TTLL8: variants seen among roughly 807,000 people sequenced by gnomAD.
The protein encoded by TTLL8 is tubulin tyrosine ligase like 8.
A neutral mutation model predicts 77.8 loss-of-function variants in TTLL8; 65 were observed. That is an observed-to-expected ratio of 0.84 (90% confidence interval 0.68 to 1.03). The LOEUF (loss-of-function observed/expected upper bound fraction) is 1.03, where lower values mean the gene tolerates loss of function less well. TTLL8 is among the 50% of genes least tolerant of loss of function. The pLI, the probability that TTLL8 is intolerant of heterozygous loss-of-function variation, is 0.00. For missense variants in TTLL8, 910 were observed against 1,004.5 expected (o/e 0.91, Z 1.27); for synonymous variants, 402 against 422.8 (o/e 0.95, Z 0.60).
chr22:50,026,503 G>A (rs1052708852), intron 12 of TTLL8, among the ~76,000 whole-genome samples: 2 of 151,740 alleles, frequency 1.3e-5, no homozygotes, highest in South Asian at 4.2e-4. Flanking sequence ...AAATACACCC[G>A]CCATTCTGCA....
chr22:50,040,784 G>A (rs1258695872), intron 8 of TTLL8, among the ~76,000 whole-genome samples: 4 of 152,228 alleles, frequency 2.6e-5, no homozygotes, highest in Admixed American at 2.0e-4. Flanking sequence ...CCCTCTGAAA[G>A]AAGTCACTTT....
At position 50,043,932 on chromosome 22, in the gene TTLL8, T is replaced by G. The variant is rs906728269; in HGVS notation, c.643+1323A>C. Among the ~76,000 whole-genome samples the G allele has an allele frequency of 9.2e-5, 14 of 152,234 alleles. No homozygotes were observed. The South Asian group carries it at 2.1e-3, about 23-fold the overall frequency. ...GGACCATCTCTGTCTGATACTGGAA[T>G]GGTGGATACACGGCATCATACATTG... On this transcript the variant is annotated intron_variant, in intron 6 of 13. Transcript: ENST00000266182.
At chr22:50,029,779 C>T (rs1409156771) in intron 12 of TTLL8, among the ~76,000 whole-genome samples, 1 of 152,100 alleles carries the variant, frequency 6.6e-6, no homozygotes, top group African/African-American at 2.4e-5. Context: ...CTAAAGACCC[C>T]CACCACGCCC....
At chr22:50,052,230 C>T (rs978106915) in intron 1 of TTLL8, among the ~76,000 whole-genome samples, 5 of 152,206 alleles carry the variant, frequency 3.3e-5, no homozygotes. Flanking sequence ...GGTGGGGGAG[C>T]TGGACAGTCC....
chr22:50,041,345 AC>A lies in TTLL8; in HGVS notation c.831-69del. The A allele has an allele frequency of 1.8e-6, 1 of 558,132 alleles. No homozygotes were observed. Among genetic ancestry groups the A allele is most frequent in the Non-Finnish European group, 3.2e-6 (1 of 308,104 alleles). The allele number at this position is 558,132 out of a possible 1,614,324, so 34.6% of individuals were successfully genotyped here. On this transcript the variant is annotated intron_variant, in intron 7 of 13. Transcript: ENST00000266182. This position sits in a 1 kb window ranked among gnomAD's most constrained non-coding sequence, Gnocchi z 4.3. Reference sequence around the variant, plus strand: ...GGGACAGGCAACAGAGGGCCTGGGCACCCCGACACCCATAAGGCACCCCAAG... The same window carrying A: ...GGGACAGGCAACAGAGGGCCTGGGCACCCGACACCCATAAGGCACCCCAAG...
intron 10 of TTLL8, among the ~76,000 whole-genome samples, chr22:50,032,773 T>C (rs2061306378): frequency 6.6e-6 from 1 of 152,104 alleles, no homozygotes; most frequent in African/African-American, 2.4e-5. Context: ...CTCCACAGGC[T>C]CTCGCCCTCC....
intron 8 of TTLL8, among the ~76,000 whole-genome samples, chr22:50,040,117 A>T (rs919655607): frequency 1.5e-4 from 22 of 149,740 alleles, no homozygotes; most frequent in African/African-American, 5.5e-4. Context: ...GCCAGCGTGG[A>T]CGGACCTCAC....
At chr22:50,048,880 G>A (rs2061428040) in intron 3 of TTLL8, among the ~76,000 whole-genome samples, 1 of 152,184 alleles carries the variant, frequency 6.6e-6, no homozygotes, top group Non-Finnish European at 1.5e-5. Flanking sequence ...TGTGTTGCTG[G>A]AGACAGGAGC....
At chr22:50,031,404 G>A (rs1458232040) in intron 11 of TTLL8, among the ~76,000 whole-genome samples, 1 of 152,244 alleles carries the variant, frequency 6.6e-6, no homozygotes, top group Non-Finnish European at 1.5e-5. Flanking sequence ...ACAAGAGGGA[G>A]GAAAGCTGGA....
At chr22:50,051,098 G>T (rs1477893398) in intron 1 of TTLL8, among the ~76,000 whole-genome samples, 3 of 152,260 alleles carry the variant, frequency 2.0e-5, no homozygotes, top group Admixed American at 2.0e-4. Context: ...CTGACCTCAG[G>T]CGATCTGCCC....
At chr22:50,030,381 C>A in intron 12 of TTLL8, 49 bp downstream of exon 13, 1 of 1,258,624 alleles carries the variant, frequency 7.9e-7, no homozygotes, top group Non-Finnish European at 1.0e-6. Flanking sequence ...GTTGGGGATG[C>A]AGCAGGCGGC....
At position 50,044,328 on chromosome 22, in the gene TTLL8, A is replaced by C. The variant is rs1286280427; in HGVS notation, c.643+927T>G. 6.6e-6 allele frequency among the ~76,000 whole-genome samples: 1 copy of C among 152,128 alleles called. No homozygotes were observed. Among genetic ancestry groups the C allele is most frequent in the African/African-American group, 2.4e-5 (1 of 41,440 alleles). ...GCAAGACTCCATCTCAAAAAAAAAA[A>C]AACATTAATTAGGAGGCCATCAGAT... On this transcript the variant is annotated intron_variant, in intron 6 of 13. Coordinates refer to ENST00000266182, the Ensembl canonical transcript of TTLL8. The surrounding 1 kb of genome is among the most constrained non-coding windows in gnomAD (Gnocchi z 4.2).
chr22:50,047,142 G>C (rs199819799), intron 4 of TTLL8, 26 bp downstream of exon 6: 24 of 1,365,294 alleles, frequency 1.8e-5, no homozygotes, highest in Non-Finnish European at 2.4e-5. Context: ...GCCGGCTCCC[G>C]CCACGCTCAA....
chr22:50,042,768 C>A (rs1468648588), intron 6 of TTLL8, among the ~76,000 whole-genome samples: 10 of 152,144 alleles, frequency 6.6e-5, no homozygotes, highest in Admixed American at 6.6e-4. Context: ...TGTCTCACAA[C>A]ACAATCACCA....
intron 12 of TTLL8, among the ~76,000 whole-genome samples, chr22:50,019,021 T>TAGAC (rs2061180976): frequency 6.6e-6 from 1 of 152,198 alleles, no homozygotes; most frequent in African/African-American, 2.4e-5. Context: ...GTTAAAAACA[T>TAGAC]TATTAAACAG....
chr22:50,022,349 T>TTTTGATGAAAACCC (rs2061208955), intron 12 of TTLL8, among the ~76,000 whole-genome samples: 1 of 145,432 alleles, frequency 6.9e-6, no homozygotes. Flanking sequence ...TGACAATGTG[T>TTTTGATGAAAACCC]ACTCCTCCAT....
chr22:50,044,968 T>G lies in TTLL8; in HGVS notation c.643+287A>C, dbSNP rs2061399107. Among the ~76,000 whole-genome samples the G allele has an allele frequency of 6.6e-6, 1 of 152,112 alleles. No individual in the cohort carries two copies. Among genetic ancestry groups the G allele is most frequent in the Non-Finnish European group, 1.5e-5 (1 of 68,010 alleles). Reference sequence around the variant, plus strand: ...GTGGGGCAGGCTTCCGACCACAGGCTGGAACCACGTCCGCGGCACAGGACT... The same window carrying G: ...GTGGGGCAGGCTTCCGACCACAGGCGGGAACCACGTCCGCGGCACAGGACT... On this transcript the variant is annotated intron_variant, in intron 6 of 13. Transcript: ENST00000266182. The surrounding 1 kb of genome is among the most constrained non-coding windows in gnomAD (Gnocchi z 4.2).
At chr22:50,056,267 C>T (rs191196963), upstream of TTLL8, among the ~76,000 whole-genome samples, 163 of 152,214 alleles carry the variant, frequency 1.1e-3, 1 homozygote, top group African/African-American at 3.7e-3. This position sits in a 1 kb window ranked among gnomAD's most constrained non-coding sequence, Gnocchi z 4.1. Context: ...AACCGCACTC[C>T]GAGAAGGAAG....
intron 1 of TTLL8, among the ~76,000 whole-genome samples, chr22:50,054,208 C>T (rs1464660017): frequency 1.3e-5 from 2 of 152,118 alleles, no homozygotes; most frequent in African/African-American, 2.4e-5. Flanking sequence ...CAGTGGAAAT[C>T]GACACACCAT....
Sources: allele counts gnomAD v4.1 joint callset (sites outside exome capture counted in the v4.1 genomes callset), GRCh38; gene constraint gnomAD v4.1.1; non-coding constraint Gnocchi (gnomAD v3.1); transcripts MANE v1.5; gene names NCBI Gene and HGNC (gene_info 2026-07-23, HGNC 2026-07-21).